GRIN2B: variants seen among roughly 807,000 people sequenced by gnomAD.
The protein encoded by GRIN2B is glutamate ionotropic receptor NMDA type subunit 2B, also known as glutamate receptor ionotropic, NMDA 2B.
Under a neutral mutation model 114.5 loss-of-function variants are expected in GRIN2B, and 5 were observed. The observed-to-expected ratio is 0.04, with a 90% CI of 0.02 to 0.09. The LOEUF is 0.09. Ranked by LOEUF, GRIN2B falls within the 10% of genes least tolerant of loss-of-function variation. GRIN2B has a pLI of 1.00. For synonymous variants in GRIN2B, 787 were observed against 745.1 expected (o/e 1.06, Z -0.92); for missense variants, 1,108 against 1,943.5 (o/e 0.57, Z 8.08).
chr12:13,721,252 C>T (rs930679171), intron 4 of GRIN2B, among the ~76,000 whole-genome samples: 18 of 151,774 alleles, frequency 1.2e-4, no homozygotes, highest in African/African-American at 4.1e-4. Flanking sequence ...CAGCCAAGGA[C>T]AAAGGGGAAT....
chr12:13,605,543 T>TCTCTCC (rs1398846577), intron 10 of GRIN2B, among the ~76,000 whole-genome samples: 7 of 75,184 alleles, frequency 9.3e-5, no homozygotes, highest in Non-Finnish European at 1.6e-4. Flanking sequence ...TCTCTCTCTC[T>TCTCTCC]CTCTCTCTGA....
In GRIN2B at chr12:13,544,102, T is replaced by C. The variant is rs1350031680; in HGVS notation, c.*18681A>G. The C allele has an allele frequency of 3.9e-5, 6 of 152,172 alleles. No homozygotes were observed. The highest frequency in any genetic ancestry group is 1.2e-4 in the African/African-American group (5 of 41,432). 9.4% of individuals were successfully genotyped at this position (152,172 alleles called of 1,614,324 possible). On this transcript the variant is annotated 3_prime_UTR_variant, in exon 14 of 14. Transcript: ENST00000609686. ...CCTGGGCGTCACATTCTCTATGATC[T>C]GCTATTTCCATGTCCTCTTTACAGC... is the stretch of plus-strand genomic sequence containing the variant.
rs924677914 is a variant in GRIN2B, at chr12:13,537,564, G to A, written c.*25219C>T. ...TGTGCTGTGAATAGTTGTCCATGGT[G>A]AGAGGAGAGTGACAACAAACAGCTG... On this transcript the variant is annotated 3_prime_UTR_variant, in exon 14 of 14. Transcript: ENST00000609686. The A allele has an allele frequency of 3.0e-4, 45 of 152,198 alleles. 1 individual carries two copies. Among genetic ancestry groups the A allele is most frequent in the African/African-American group, 1.1e-3 (44 of 41,450 alleles). 9.4% of individuals were successfully genotyped at this position (152,198 alleles called of 1,614,324 possible).
chr12:13,608,040 A>G (rs1488039700), intron 10 of GRIN2B, among the ~76,000 whole-genome samples: 1 of 152,216 alleles, frequency 6.6e-6, no homozygotes, highest in Non-Finnish European at 1.5e-5. Flanking sequence ...GAGGCCTGCA[A>G]TTAGTAAGGG....
At chr12:13,581,491 A>G (rs66533645) in intron 10 of GRIN2B, among the ~76,000 whole-genome samples, 18,240 of 78,384 alleles carry the variant, frequency 0.23, 1,344 homozygotes, top group African/African-American at 0.34. Context: ...GCCCAGTGGG[A>G]GAAGAAGAAG....
chr12:13,972,010 C>T (rs1316454986), intron 2 of GRIN2B, among the ~76,000 whole-genome samples: 1 of 152,146 alleles, frequency 6.6e-6, no homozygotes, highest in African/African-American at 2.4e-5. Context: ...CAAGGTCTTA[C>T]CTTCATGTTA....
At position 13,866,180 on chromosome 12, in the gene GRIN2B, G is replaced by C; in HGVS notation, c.29C>G (p.Pro10Arg). MKPRAECCS[P>R]KFWLVLAVLA... ...GACGGCCAACACCAACCAGAACTTG[G>C]GAGAACAGCACTCCGCTCTGGGCTT... The change falls in exon 3 of 14, where the codon CCC becomes CGC. Residue 10 changes from proline (P) to arginine (R), a missense_variant. By Grantham distance (103) the Pro-to-Arg change is moderately radical. This residue lies in a region of GRIN2B where 46 missense variants were observed against 44.4 expected (regional missense o/e 1.04). Coordinates refer to ENST00000609686, the MANE Select transcript of GRIN2B (RefSeq NM_000834.5). The C allele has an allele frequency of 6.2e-7, 1 of 1,611,306 alleles. No homozygotes were observed. Among genetic ancestry groups the C allele is most frequent in the Non-Finnish European group, 8.5e-7 (1 of 1,179,962 alleles).
intron 2 of GRIN2B, among the ~76,000 whole-genome samples, chr12:13,963,525 G>A (rs941184642): frequency 5.9e-5 from 9 of 152,158 alleles, no homozygotes; most frequent in Admixed American, 2.0e-4. Flanking sequence ...CACAGGATAT[G>A]GACAAGAGAG....
intron 2 of GRIN2B, among the ~76,000 whole-genome samples, chr12:13,877,102 T>C (rs1037321501): frequency 6.6e-6 from 1 of 152,224 alleles, no homozygotes; most frequent in African/African-American, 2.4e-5. Context: ...TCTGGATGTA[T>C]ATTTGTATGT....
intron 5 of GRIN2B, among the ~76,000 whole-genome samples, chr12:13,632,540 G>C (rs1175440238): frequency 1.3e-5 from 2 of 152,200 alleles, no homozygotes; most frequent in Non-Finnish European, 2.9e-5. Flanking sequence ...CTCCTATTTT[G>C]TTGTCTATAT....
intron 3 of GRIN2B, among the ~76,000 whole-genome samples, chr12:13,854,312 C>T (rs1865622432): frequency 1.3e-5 from 2 of 152,112 alleles, no homozygotes; most frequent in South Asian, 2.1e-4. Flanking sequence ...GAGTTCGAGA[C>T]CAGCCTGGCC....
chr12:13,891,054 C>T (rs1264132955), intron 2 of GRIN2B, among the ~76,000 whole-genome samples: 2 of 152,156 alleles, frequency 1.3e-5, no homozygotes, highest in African/African-American at 4.8e-5. Flanking sequence ...CAGCTGATTG[C>T]CATCTTTCAT....
chr12:13,946,740 TTATGA>T (rs1867369060), intron 2 of GRIN2B, among the ~76,000 whole-genome samples: 1 of 152,182 alleles, frequency 6.6e-6, no homozygotes, highest in African/African-American at 2.4e-5. Flanking sequence ...TTATTACATT[TTATGA>T]TATGTGTATT....
intron 3 of GRIN2B, among the ~76,000 whole-genome samples, chr12:13,863,670 A>C (rs1865782484): frequency 6.6e-6 from 1 of 152,244 alleles, no homozygotes; most frequent in African/African-American, 2.4e-5. Context: ...AAGATACATC[A>C]GCGAAAAAAA....
intron 3 of GRIN2B, among the ~76,000 whole-genome samples, chr12:13,804,357 T>G (rs1421613734): frequency 6.6e-6 from 1 of 152,088 alleles, no homozygotes; most frequent in African/African-American, 2.4e-5. Context: ...TTCCTAAAGT[T>G]TTTACTTTCA....
At chr12:13,717,005 A>G (rs1950460929) in intron 4 of GRIN2B, among the ~76,000 whole-genome samples, 1 of 151,754 alleles carries the variant, frequency 6.6e-6, no homozygotes, top group African/African-American at 2.4e-5. Context: ...AGGGGAAATG[A>G]GGGAAAGGTT....
At chr12:13,794,199 C>T (rs1864372236) in intron 3 of GRIN2B, among the ~76,000 whole-genome samples, 1 of 112,432 alleles carries the variant, frequency 8.9e-6, no homozygotes, top group Non-Finnish European at 1.7e-5. Context: ...TAGTGTGAGA[C>T]TCTGTCTCAA....
chr12:13,706,969 C>T (rs1950364938), intron 4 of GRIN2B, among the ~76,000 whole-genome samples: 1 of 152,120 alleles, frequency 6.6e-6, no homozygotes, highest in African/African-American at 2.4e-5. Context: ...TTTGCCCAAG[C>T]TTGGCTATAG....
intron 3 of GRIN2B, among the ~76,000 whole-genome samples, chr12:13,859,269 C>A (rs1865714213): frequency 2.6e-5 from 4 of 152,168 alleles, no homozygotes; most frequent in Non-Finnish European, 5.9e-5. Flanking sequence ...CATCACGTCC[C>A]TGGAAAATGT....
Sources: allele counts gnomAD v4.1 joint callset (sites outside exome capture counted in the v4.1 genomes callset), GRCh38; gene constraint gnomAD v4.1.1; regional missense constraint gnomAD v4.1.1; transcripts MANE v1.5; gene names NCBI Gene and HGNC (gene_info 2026-07-23, HGNC 2026-07-21).